The following TFIP11 variants were observed in gnomAD, a reference collection of about 807,000 sequenced individuals.
TFIP11 encodes tuftelin-interacting protein 11.
In TFIP11, 86 loss-of-function variants were observed where a neutral mutation model predicts 96.8. The ratio of observed to expected loss-of-function variants is 0.89; its 90% CI spans 0.75 to 1.06. The LOEUF is 1.06. TFIP11 is among the 50% of genes least tolerant of loss of function. TFIP11 has a pLI of 0.00. For missense variants in TFIP11, 881 were observed against 1,076.7 expected (o/e 0.82, Z 2.54); for synonymous variants, 405 against 395.2 (o/e 1.02, Z -0.29).
At chr22:26,505,365 T>C (rs1348394986) in intron 6 of TFIP11, among the ~76,000 whole-genome samples, 1 of 152,208 alleles carries the variant, frequency 6.6e-6, no homozygotes, top group Admixed American at 6.5e-5. Context: ...GCCAGTTTTA[T>C]AGCCATATGG....
At chr22:26,509,543 G>A (rs1047243694) in intron 4 of TFIP11, among the ~76,000 whole-genome samples, 2 of 152,112 alleles carry the variant, frequency 1.3e-5, no homozygotes, top group South Asian at 2.1e-4. Context: ...CATAGCAATC[G>A]CTCAATAAAC....
chr22:26,496,446 A>G (rs1186529856), intron 11 of TFIP11, 130 bp from the exon 12 acceptor site: 1 of 1,267,388 alleles, frequency 7.9e-7, no homozygotes, highest in African/African-American at 1.5e-5. Context: ...TCCTTTGTAC[A>G]TTGCCAAACA....
At chr22:26,505,676 C>G (rs944798541) in intron 6 of TFIP11, among the ~76,000 whole-genome samples, 32 of 150,692 alleles carry the variant, frequency 2.1e-4, no homozygotes, top group African/African-American at 7.8e-4. Context: ...GCAACTAATT[C>G]ATTTTTGTTT....
intron 14 of TFIP11, chr22:26,493,848 G>C: frequency 2.6e-6 from 1 of 386,302 alleles, no homozygotes; most frequent in South Asian, 2.5e-5. Flanking sequence ...AGGCCACACA[G>C]CACAGTGGTT....
At position 26,501,987 on chromosome 22, in the gene TFIP11, G is replaced by C. The variant is rs745512662; in HGVS notation, c.714C>G (p.Tyr238Ter). Reference protein sequence around the residue: ...DPSGSKKKPKYSYKTVEELKA... With the variant: ...DPSGSKKKPK The stretch of plus-strand genomic sequence containing the variant: ...TCAACTCTTCCACGGTCTTGTAAGA[G>C]TATTTGGGCTTCTTCTTGCTTCCAC... The change falls in exon 8 of 15, where the codon TAC becomes TAG. Residue 238 changes from tyrosine (Y) to a stop codon, truncating the protein, a stop_gained. Transcript: ENST00000407690. LOFTEE classifies it high-confidence loss of function. 1 of 1,613,850 alleles carries C rather than the reference G, an allele frequency of 6.2e-7. No homozygotes were observed. Among genetic ancestry groups the C allele is most frequent in the Non-Finnish European group, 8.5e-7 (1 of 1,179,996 alleles).
chr22:26,504,740 T>C (rs368586789), intron 6 of TFIP11, among the ~76,000 whole-genome samples: 6 of 152,292 alleles, frequency 3.9e-5, no homozygotes, highest in South Asian at 2.1e-4. Context: ...GTATTTTTCA[T>C]GTACCTAATG....
At chr22:26,499,700 G>A in intron 8 of TFIP11, 69 bp from the exon 9 acceptor site, 2 of 1,494,050 alleles carry the variant, frequency 1.3e-6, no homozygotes, top group Non-Finnish European at 1.8e-6. Context: ...TAAGCCCAGG[G>A]GAAGGCCCCA....
At chr22:26,506,242 C>T (rs1021316755) in intron 6 of TFIP11, 61 bp downstream of exon 6, 60 of 1,487,772 alleles carry the variant, frequency 4.0e-5, no homozygotes, top group South Asian at 4.3e-5. Context: ...CCTCTCCCAA[C>T]GCCCCTCTCC....
intron 5 of TFIP11, 115 bp from the exon 6 acceptor site, chr22:26,506,574 A>G: frequency 1.9e-5 from 26 of 1,377,018 alleles, no homozygotes; most frequent in Admixed American, 2.6e-5. Flanking sequence ...GAAAAGTGTC[A>G]TATGAACCAA....
chr22:26,497,768 C>T (rs936705216), intron 10 of TFIP11, among the ~76,000 whole-genome samples: 12 of 150,736 alleles, frequency 8.0e-5, no homozygotes, highest in South Asian at 2.1e-4. Context: ...CCCAGCTACT[C>T]GAGAGGCTGA....
chr22:26,491,597 A>C lies in TFIP11; in HGVS notation c.*416T>G, dbSNP rs1455808120. 3.1e-6 allele frequency: 5 copies of C among 1,614,212 alleles called. No homozygotes were observed. The highest frequency in any genetic ancestry group is 2.2e-5 in the East Asian group (1 of 44,892). ...CCATAGATATTTGGGAGTTTCGGGA[A>C]GAACCAGATTATCAGGACTGTGAGG... On this transcript the variant is annotated 3_prime_UTR_variant, in exon 15 of 15. Transcript: ENST00000407690.
chr22:26,491,954 T>C lies in TFIP11; in HGVS notation c.*59A>G. ...TTGAAGGTGATCTAAAAATACTGTT[T>C]ATTTACAGTACATCCCTCTTAGGGG... On this transcript the variant is annotated 3_prime_UTR_variant, in exon 15 of 15. Coordinates refer to ENST00000407690, the MANE Select transcript of TFIP11 (RefSeq NM_012143.4). 1.4e-6 allele frequency: 2 copies of C among 1,444,812 alleles called. No homozygotes were observed. Among genetic ancestry groups the C allele is most frequent in the South Asian group, 1.3e-5 (1 of 78,202 alleles). The allele number at this position is 1,444,812 out of a possible 1,614,324, so 89.5% of individuals were successfully genotyped here.
chr22:26,493,797 C>T (rs1048336630), intron 14 of TFIP11: 3 of 264,434 alleles, frequency 1.1e-5, no homozygotes, highest in South Asian at 4.6e-5. Context: ...CTGTAAGATG[C>T]GTCACCTAAG....
At chr22:26,508,753 G>A (rs1053184045) in intron 4 of TFIP11, among the ~76,000 whole-genome samples, 6 of 152,002 alleles carry the variant, frequency 3.9e-5, no homozygotes, top group Non-Finnish European at 7.4e-5. Context: ...GCTGAGGCAG[G>A]AGAATCACTT....
At chr22:26,496,473 T>A (rs1424351294) in intron 11 of TFIP11, among the ~76,000 whole-genome samples, 157 bp from the exon 12 acceptor site, 8 of 152,218 alleles carry the variant, frequency 5.3e-5, no homozygotes, top group Non-Finnish European at 1.2e-4. Flanking sequence ...CCCATCCATT[T>A]GATTACATCT....
At chr22:26,508,888 T>C (rs560753842) in intron 4 of TFIP11, among the ~76,000 whole-genome samples, 2 of 150,152 alleles carry the variant, frequency 1.3e-5, no homozygotes, top group East Asian at 1.9e-4. Flanking sequence ...CTCAATAGGA[T>C]AGAGCCTAGA....
chr22:26,497,405 T>G (rs1465469102), intron 10 of TFIP11, among the ~76,000 whole-genome samples: 1 of 152,202 alleles, frequency 6.6e-6, no homozygotes, highest in Non-Finnish European at 1.5e-5. Flanking sequence ...GCTCCTAGGG[T>G]AAGCCCAGCA....
Position 26,494,866 on chromosome 22 carries a change from C to T in TFIP11, c.1923G>A (p.Trp641Ter). The change falls in exon 13 of 15, where the codon TGG (tryptophan) becomes TGA (stop). Residue 641 changes from tryptophan (W) to a stop codon, truncating the protein, a stop_gained. Coordinates refer to ENST00000407690, the MANE Select transcript of TFIP11 (RefSeq NM_012143.4). LOFTEE classifies it high-confidence loss of function. ...GGCTAGAGACAGAGATCATCCCTTCCCAGTCAATCACCCAATAGAATGCAT... is the reference window on the plus strand; with the variant it reads ...GGCTAGAGACAGAGATCATCCCTTCTCAGTCAATCACCCAATAGAATGCAT... ...HMDAFYWVIDWEGMISVSSLV... is the reference protein window; with the variant it reads ...HMDAFYWVID 1 of 1,614,204 alleles carries T rather than the reference C, an allele frequency of 6.2e-7. No homozygotes were observed. Among genetic ancestry groups the T allele is most frequent in the Non-Finnish European group, 8.5e-7 (1 of 1,180,034 alleles).
chr22:26,492,678 C>G (rs1921361511), intron 14 of TFIP11: 4 of 329,034 alleles, frequency 1.2e-5, no homozygotes, highest in South Asian at 6.7e-5. Flanking sequence ...AGCCACTCTT[C>G]TGTTCCCACC....
Sources: gnomAD v4.1 joint callset for allele counts (sites outside exome capture counted in the v4.1 genomes callset) on GRCh38, gnomAD v4.1.1 for gene constraint, MANE v1.5 for transcripts, NCBI Gene and HGNC (gene_info 2026-07-23, HGNC 2026-07-21) for gene names.